Variants in CADPS observed in about 807,000 individuals in gnomAD.
CADPS encodes calcium dependent secretion activator.
Under a neutral mutation model 167.3 loss-of-function variants are expected in CADPS, and 57 were observed. The observed-to-expected ratio is 0.34, with a 90% CI of 0.28 to 0.42. The LOEUF (loss-of-function observed/expected upper bound fraction) is 0.42, where lower values mean the gene tolerates loss of function less well. Among genes scored for constraint, CADPS ranks in the 20% least tolerant of loss-of-function variants. CADPS has a pLI of 1.00. For synonymous variants in CADPS, 676 were observed against 635.3 expected (o/e 1.06, Z -0.96); for missense variants, 1,414 against 1,738.1 (o/e 0.81, Z 3.32).
At position 62,875,167 on chromosome 3, in the gene CADPS, G is replaced by C. The variant is rs2083439960; in HGVS notation, c.-138C>G. 3.5e-6 allele frequency: 4 copies of C among 1,145,898 alleles called. No individual in the cohort carries two copies. In the African/African-American group the frequency reaches 4.9e-5, roughly 14 times the overall value. 71.0% of individuals were successfully genotyped at this position (1,145,898 alleles called of 1,614,324 possible). ...CAGGGAGCGAGAGCGCTGCTGCTCA[G>C]CCTCGGCCGCCGCGACTGATCCTCT... On this transcript the variant is annotated 5_prime_UTR_variant, in exon 1 of 30. Coordinates refer to ENST00000383710, the MANE Select transcript of CADPS (RefSeq NM_003716.4).
chr3:62,420,073 T>G lies in CADPS; in HGVS notation c.3778-16888A>C, dbSNP rs904461807. On this transcript the variant is annotated intron_variant, in intron 28 of 29. Transcript: ENST00000383710. The surrounding 1 kb of genome is among the most constrained non-coding windows in gnomAD (Gnocchi z 4.1). ...AACATACAAAAGCATGGTCTATGTATGTACATAATTTCCAGGCTATTACAT... is the reference window on the plus strand; with the variant it reads ...AACATACAAAAGCATGGTCTATGTAGGTACATAATTTCCAGGCTATTACAT... Among the ~76,000 whole-genome samples the G allele has an allele frequency of 1.3e-5, 2 of 152,198 alleles. No homozygotes were observed. The highest frequency in any genetic ancestry group is 1.5e-5 in the Non-Finnish European group (1 of 68,032).
intron 6 of CADPS, among the ~76,000 whole-genome samples, chr3:62,638,093 ATG>A (rs9311846): frequency 0.038 from 406 of 10,726 alleles, 3 homozygotes; most frequent in South Asian, 0.38. Context: ...ATATATATAT[ATG>A]TATATATATA....
At chr3:62,668,751 C>G (rs139352880) in intron 3 of CADPS, among the ~76,000 whole-genome samples, 1 of 152,094 alleles carries the variant, frequency 6.6e-6, no homozygotes, top group Non-Finnish European at 1.5e-5. Flanking sequence ...CACCTACTTA[C>G]GTAGGTGCTA....
At chr3:62,492,875 T>A (rs2063977194) in intron 19 of CADPS, among the ~76,000 whole-genome samples, 1 of 152,240 alleles carries the variant, frequency 6.6e-6, no homozygotes, top group Non-Finnish European at 1.5e-5. Flanking sequence ...ATTGTTCACT[T>A]ATATCTACAT....
intron 3 of CADPS, among the ~76,000 whole-genome samples, chr3:62,744,056 G>C (rs2080905949): frequency 2.0e-5 from 3 of 152,116 alleles, no homozygotes; most frequent in Admixed American, 2.0e-4. Context: ...GTTGCTGACT[G>C]GCTGTATGAC....
intron 7 of CADPS, among the ~76,000 whole-genome samples, chr3:62,587,067 A>G (rs867402447): frequency 2.3e-4 from 35 of 152,248 alleles, no homozygotes; most frequent in African/African-American, 7.0e-4. Context: ...TTACATTGGC[A>G]TTGTTTTTAT....
At chr3:62,419,023 C>A (rs1018075285) in intron 28 of CADPS, among the ~76,000 whole-genome samples, 1 of 152,150 alleles carries the variant, frequency 6.6e-6, no homozygotes, top group South Asian at 2.1e-4. Context: ...CAGGAAAACT[C>A]GATTTTGTGA....
intron 3 of CADPS, among the ~76,000 whole-genome samples, chr3:62,742,220 A>G (rs1383807266): frequency 6.6e-6 from 1 of 152,200 alleles, no homozygotes; most frequent in Admixed American, 6.5e-5. Flanking sequence ...TTATAGATTC[A>G]ATGCTATTCC....
chr3:62,571,750 G>A (rs964848241), intron 8 of CADPS, among the ~76,000 whole-genome samples: 1 of 152,086 alleles, frequency 6.6e-6, no homozygotes, highest in African/African-American at 2.4e-5. Flanking sequence ...TTTTGATAGA[G>A]ATGGGGTTTC....
chr3:62,508,491 G>C (rs2067096990), intron 17 of CADPS, among the ~76,000 whole-genome samples: 1 of 152,142 alleles, frequency 6.6e-6, no homozygotes, highest in Non-Finnish European at 1.5e-5. Flanking sequence ...TTGGGGGAGT[G>C]ACTTAACATG....
chr3:62,668,486 C>T (rs970094243), intron 3 of CADPS, among the ~76,000 whole-genome samples: 1 of 152,194 alleles, frequency 6.6e-6, no homozygotes, highest in African/African-American at 2.4e-5. Context: ...ATGCCTGGAG[C>T]ACTCTTCCTT....
intron 3 of CADPS, among the ~76,000 whole-genome samples, chr3:62,733,824 C>T (rs948865745): frequency 9.2e-5 from 14 of 152,138 alleles, no homozygotes; most frequent in Admixed American, 9.2e-4. Context: ...AATATGTAGT[C>T]TTTGGTCCCT....
chr3:62,519,281 C>A (rs185999346), intron 13 of CADPS, among the ~76,000 whole-genome samples: 241 of 152,252 alleles, frequency 1.6e-3, no homozygotes, highest in Non-Finnish European at 1.9e-3. Flanking sequence ...TGAGACCAAA[C>A]AAATGGTCTT....
In CADPS at chr3:62,850,580, G is replaced by A. The variant is rs1464511954; in HGVS notation, c.441+24009C>T. 1.2e-3 allele frequency among the ~76,000 whole-genome samples: 168 copies of A among 139,108 alleles called. 3 individuals are homozygous for A. The East Asian group carries it at 0.015, about 13-fold the overall frequency. 91.3% of individuals were successfully genotyped at this position (139,108 alleles called of 152,430 possible). A position where few individuals can be genotyped will look rare whatever the true frequency, so the allele number is the denominator to read the frequency against. On this transcript the variant is annotated intron_variant, in intron 1 of 29. Coordinates refer to ENST00000383710, the MANE Select transcript of CADPS (RefSeq NM_003716.4). ...TTGTTCAGTTTCTATGTAGTTGAGC[G>A]GCTTTGAGTGAGATTCTTAATCCTG... is the stretch of plus-strand genomic sequence containing the variant.
At chr3:62,782,379 C>G (rs538432056) in intron 1 of CADPS, among the ~76,000 whole-genome samples, 32 of 152,308 alleles carry the variant, frequency 2.1e-4, no homozygotes, top group African/African-American at 7.2e-4. Context: ...AAGCACTGTT[C>G]TAGGCATTGA....
chr3:62,757,788 G>A (rs1316477915), intron 2 of CADPS, among the ~76,000 whole-genome samples: 2 of 152,170 alleles, frequency 1.3e-5, no homozygotes, highest in Non-Finnish European at 2.9e-5. Context: ...GTTCCACATG[G>A]CTGGGGAGGC....
intron 1 of CADPS, among the ~76,000 whole-genome samples, chr3:62,871,276 C>T (rs1360152813): frequency 6.6e-6 from 1 of 152,030 alleles, no homozygotes; most frequent in Non-Finnish European, 1.5e-5. Context: ...GTTTAAACGA[C>T]ATAGTAAAGT....
At chr3:62,656,076 C>T (rs1175391339) in intron 4 of CADPS, among the ~76,000 whole-genome samples, 6 of 152,076 alleles carry the variant, frequency 3.9e-5, no homozygotes, top group African/African-American at 1.2e-4. Context: ...AATTTTGGTT[C>T]CCACATTTGA....
At chr3:62,647,718 G>T (rs1297781222) in intron 5 of CADPS, among the ~76,000 whole-genome samples, 1 of 152,180 alleles carries the variant, frequency 6.6e-6, no homozygotes, top group Non-Finnish European at 1.5e-5. Context: ...CACAGTGAAA[G>T]AGCACAAATT....
Sources: allele counts gnomAD v4.1 joint callset (sites outside exome capture counted in the v4.1 genomes callset), GRCh38; gene constraint gnomAD v4.1.1; non-coding constraint Gnocchi (gnomAD v3.1); transcripts MANE v1.5; gene names NCBI Gene and HGNC (gene_info 2026-07-23, HGNC 2026-07-21).